ZC3H12B: variants seen among roughly 807,000 people sequenced by gnomAD.
ZC3H12B encodes probable ribonuclease ZC3H12B.
In ZC3H12B, 7 loss-of-function variants were observed where a neutral mutation model predicts 43.9. That is an observed-to-expected ratio of 0.16 (90% CI 0.09 to 0.30). The LOEUF (loss-of-function observed/expected upper bound fraction) is 0.30, where lower values mean the gene tolerates loss of function less well. Among genes scored for constraint, ZC3H12B ranks in the 10% least tolerant of loss-of-function variants. The pLI is 1.00. For missense variants in ZC3H12B, 475 were observed against 670.2 expected (o/e 0.71, Z 3.22); for synonymous variants, 222 against 241.7 (o/e 0.92, Z 0.76).
At chrX:65,145,039 G>T in the ZC3H12B span, among the ~76,000 whole-genome samples, 1 of 111,143 alleles carries the variant, frequency 9.0e-6, no homozygotes, top group Non-Finnish European at 1.9e-5. Context: ...TTTTTTTCTT[G>T]ATGACCTCTC....
the ZC3H12B span, among the ~76,000 whole-genome samples, chrX:65,280,749 A>C: frequency 8.9e-6 from 1 of 111,760 alleles, no homozygotes; most frequent in Admixed American, 9.5e-5. Context: ...ACAACAAACT[A>C]GGTGAAAAAG....
chrX:65,338,108 G>A, the ZC3H12B span, among the ~76,000 whole-genome samples: 1 of 111,751 alleles, frequency 8.9e-6, no homozygotes, highest in Admixed American at 9.5e-5. Context: ...TTGTATTGTT[G>A]CTCTAATAGA....
the ZC3H12B span, among the ~76,000 whole-genome samples, chrX:65,168,518 C>G: frequency 9.1e-6 from 1 of 109,479 alleles, no homozygotes; most frequent in Admixed American, 9.9e-5. Context: ...TGTTGCGTCT[C>G]TGCCAGGCTT....
chrX:65,392,909 C>A (rs1302406955), intron 2 of ZC3H12B, among the ~76,000 whole-genome samples: 2 of 112,663 alleles, frequency 1.8e-5, no homozygotes, highest in African/African-American at 6.4e-5. Context: ...AAGAAAAATT[C>A]TTCTGCTTTG....
chrX:65,183,572 A>C, the ZC3H12B span, among the ~76,000 whole-genome samples: 1 of 112,087 alleles, frequency 8.9e-6, no homozygotes, highest in African/African-American at 3.2e-5. Context: ...AATTATACAT[A>C]TATGAAGAAA....
chrX:65,167,133 A>G, the ZC3H12B span, among the ~76,000 whole-genome samples: 3 of 111,732 alleles, frequency 2.7e-5, no homozygotes, highest in Non-Finnish European at 5.6e-5. Context: ...TATGTCCTGA[A>G]TGGTATTGCC....
At chrX:65,332,789 G>C in the ZC3H12B span, among the ~76,000 whole-genome samples, 2 of 111,686 alleles carry the variant, frequency 1.8e-5, no homozygotes, top group Non-Finnish European at 3.8e-5. Context: ...TCTGTTATTA[G>C]ATAACATAGT....
chrX:65,283,629 C>G, the ZC3H12B span, among the ~76,000 whole-genome samples: 1 of 112,054 alleles, frequency 8.9e-6, no homozygotes, highest in African/African-American at 3.2e-5. Context: ...AGCAAAGTCT[C>G]AGGAGGCTGC....
the ZC3H12B span, among the ~76,000 whole-genome samples, chrX:65,352,057 G>A: frequency 8.9e-6 from 1 of 112,005 alleles, no homozygotes; most frequent in Non-Finnish European, 1.9e-5. Context: ...GCAAAGACTT[G>A]GAACCAACCC....
chrX:65,064,806 C>A, the ZC3H12B span, among the ~76,000 whole-genome samples: 135 of 111,831 alleles, frequency 1.2e-3, no homozygotes, highest in Middle Eastern at 4.6e-3. Context: ...TTAGAACTTG[C>A]TTTATGAATC....
chrX:65,337,413 G>A, the ZC3H12B span, among the ~76,000 whole-genome samples: 1 of 112,393 alleles, frequency 8.9e-6, no homozygotes, highest in African/African-American at 3.2e-5. Context: ...CTACTCCATA[G>A]ACAGAATAGC....
At chrX:65,351,198 C>T in the ZC3H12B span, among the ~76,000 whole-genome samples, 1 of 111,501 alleles carries the variant, frequency 9.0e-6, no homozygotes, top group African/African-American at 3.3e-5. Flanking sequence ...CTTTGACAAA[C>T]CTGACAAAAA....
At chrX:65,172,282 T>G in the ZC3H12B span, among the ~76,000 whole-genome samples, 13 of 112,528 alleles carry the variant, frequency 1.2e-4, no homozygotes, top group African/African-American at 3.9e-4. Context: ...TTGATGGAGT[T>G]GTTTGTTTTT....
chrX:65,129,262 T>C, the ZC3H12B span, among the ~76,000 whole-genome samples: 1 of 89,940 alleles, frequency 1.1e-5, no homozygotes, highest in African/African-American at 7.3e-5. Context: ...TATATGTATA[T>C]ATATATATAT....
chrX:65,080,479 G>T, the ZC3H12B span, among the ~76,000 whole-genome samples: 4 of 110,981 alleles, frequency 3.6e-5, no homozygotes, highest in Non-Finnish European at 7.6e-5. Context: ...CCTAAAAGCA[G>T]CAAGAGAAAA....
intron 3 of ZC3H12B, chrX:65,408,161 G>T: frequency 1.7e-6 from 2 of 1,201,959 alleles, no homozygotes; most frequent in Non-Finnish European, 1.1e-6. Context: ...GGAGTCCCTG[G>T]ACCGGATTAA....
the ZC3H12B span, among the ~76,000 whole-genome samples, chrX:65,340,319 C>T: frequency 1.8e-5 from 2 of 112,213 alleles, no homozygotes; most frequent in African/African-American, 6.5e-5. Flanking sequence ...ACACATGTAT[C>T]TCAGCACCTG....
At chrX:65,220,997 T>C in the ZC3H12B span, among the ~76,000 whole-genome samples, 3 of 111,763 alleles carry the variant, frequency 2.7e-5, no homozygotes, top group African/African-American at 9.7e-5. Context: ...TTATATCAAG[T>C]ACTCTTTCAG....
chrX:65,346,276 T>G, the ZC3H12B span, among the ~76,000 whole-genome samples: 1 of 93,646 alleles, frequency 1.1e-5, no homozygotes, highest in Non-Finnish European at 2.1e-5. Flanking sequence ...AAAAAAAAAA[T>G]ACACATAGAA....
Sources: gnomAD v4.1 joint callset for allele counts (sites outside exome capture counted in the v4.1 genomes callset) on GRCh38, gnomAD v4.1.1 for gene constraint, MANE v1.5 for transcripts, NCBI Gene and HGNC (gene_info 2026-07-23, HGNC 2026-07-21) for gene names.